Variants in ZNF518A observed in about 807,000 individuals in gnomAD.
ZNF518A encodes zinc finger protein 518A.
ZNF518A carries 47 observed loss-of-function variants against 102.7 expected under a neutral mutation model. The observed-to-expected ratio is 0.46, with a 90% CI of 0.36 to 0.58. The LOEUF is 0.58. Ranked by LOEUF, ZNF518A falls within the 20% of genes least tolerant of loss-of-function variation. The pLI is 0.00. For missense variants in ZNF518A, 1,793 were observed against 1,699.8 expected (o/e 1.05, Z -0.96); for synonymous variants, 652 against 594.6 (o/e 1.10, Z -1.40).
Position 96,158,635 on chromosome 10 carries a change from GAGCCA to G in ZNF518A, c.2315_2319del (p.Ser772ThrfsTer9). The G allele has an allele frequency of 6.2e-7, 1 of 1,613,316 alleles. No individual in the cohort carries two copies. The highest frequency in any genetic ancestry group is 1.7e-5 in the Admixed American group (1 of 59,850). On this transcript the variant is annotated frameshift_variant, in exon 6 of 6. Coordinates refer to ENST00000316045, the MANE Select transcript of ZNF518A (RefSeq NM_001330736.2). LOFTEE classifies it high-confidence loss of function. Reference sequence around the variant, plus strand: ...GAATCACATCTGTTTTCTCTCTCCAGAGCCAACAGGCATCAGAATTTCTGCCACCT... The same window carrying G: ...GAATCACATCTGTTTTCTCTCTCCAGACAGGCATCAGAATTTCTGCCACCT...
intron 1 of ZNF518A, among the ~76,000 whole-genome samples, chr10:96,176,908 A>G (rs2083207967): frequency 6.6e-6 from 1 of 151,948 alleles, no homozygotes; most frequent in Non-Finnish European, 1.5e-5. Flanking sequence ...AAACAAACAA[A>G]CAAAAAGCAA....
intron 1 of ZNF518A, among the ~76,000 whole-genome samples, chr10:96,190,840 C>T (rs1249838674): frequency 6.6e-6 from 1 of 152,182 alleles, no homozygotes; most frequent in African/African-American, 2.4e-5. Flanking sequence ...TCTTTTATTC[C>T]TTGGTGTTCA....
At position 96,159,463 on chromosome 10, in the gene ZNF518A, A is replaced by T. The variant is rs1554886092; in HGVS notation, c.3141A>T (p.Leu1047Phe). ...MKSSSENTLP[L>F]KGPYILKPTS... ...GTAGCTCAGAAAATACTTTGCCATT[A>T]AAAGGCCCTTACATTTTGAAACCAA... The change falls in exon 6 of 6, where the codon TTA becomes TTT. Residue 1047 changes from leucine (L) to phenylalanine (F), a missense_variant. Leu to Phe is a conservative substitution (Grantham distance 22). This residue lies in a region of ZNF518A where 1,741 missense variants were observed against 1,622.6 expected (regional missense o/e 1.07). Coordinates refer to ENST00000316045, the MANE Select transcript of ZNF518A (RefSeq NM_001330736.2). The T allele has an allele frequency of 6.2e-7, 1 of 1,613,790 alleles. No individual in the cohort carries two copies. The highest frequency in any genetic ancestry group is 8.5e-7 in the Non-Finnish European group (1 of 1,179,784).
chr10:96,159,715 A>G lies in ZNF518A; in HGVS notation c.3393A>G (p.Ile1131Met). The change falls in exon 6 of 6, where the codon ATA becomes ATG. Residue 1131 changes from isoleucine to methionine, a missense_variant. By Grantham distance (10) the Ile-to-Met change is conservative (BLOSUM62 1). Around this residue, in one of 3 missense-constraint regions of ZNF518A, gnomAD observed 1,741 missense variants for 1,622.6 expected, o/e 1.07. Transcript: ENST00000316045. ...KLVQNSTYQNIQPKKPEGTPQ... is the reference protein window; with the variant it reads ...KLVQNSTYQNMQPKKPEGTPQ... ...TCCAAAATAGTACTTATCAAAATATACAGCCAAAGAAACCTGAAGGAACAC... is the reference window on the plus strand; with the variant it reads ...TCCAAAATAGTACTTATCAAAATATGCAGCCAAAGAAACCTGAAGGAACAC... 6.2e-7 allele frequency: 1 copy of G among 1,613,268 alleles called. No homozygotes were observed. Among genetic ancestry groups the G allele is most frequent in the Admixed American group, 1.7e-5 (1 of 59,954 alleles).
chr10:96,203,230 T>C (rs1554896655), intron 1 of ZNF518A, among the ~76,000 whole-genome samples: 1 of 152,222 alleles, frequency 6.6e-6, no homozygotes, highest in East Asian at 1.9e-4. Context: ...AATAAACCTT[T>C]TTAAATAATG....
At chr10:96,143,017 A>T (rs1346196830) in intron 3 of ZNF518A, among the ~76,000 whole-genome samples, 1 of 152,190 alleles carries the variant, frequency 6.6e-6, no homozygotes, top group Non-Finnish European at 1.5e-5. Context: ...CATGTTGGCC[A>T]GGCTGTTCTT....
chr10:96,137,167 CCTTT>C (rs2081639387), intron 3 of ZNF518A, among the ~76,000 whole-genome samples: 2 of 152,308 alleles, frequency 1.3e-5, no homozygotes, highest in South Asian at 2.1e-4. Flanking sequence ...CATGTTTGCT[CCTTT>C]CTAAGTTCAC....
intron 1 of ZNF518A, among the ~76,000 whole-genome samples, chr10:96,198,884 A>C (rs2133940470): frequency 6.6e-6 from 1 of 152,250 alleles, no homozygotes; most frequent in East Asian, 1.9e-4. Context: ...TTTTCAGTAG[A>C]GATGAGGTTT....
chr10:96,204,644 A>G (rs1322565945), downstream of ZNF518A: 2 of 1,609,394 alleles, frequency 1.2e-6, no homozygotes, highest in African/African-American at 2.7e-5. Flanking sequence ...TCATATTAGG[A>G]TTAGAGTGAA....
intron 1 of ZNF518A, among the ~76,000 whole-genome samples, chr10:96,131,778 C>T (rs1467999870): frequency 6.6e-6 from 1 of 152,178 alleles, no homozygotes; most frequent in African/African-American, 2.4e-5. Flanking sequence ...CATGGTCACA[C>T]TTCGGATTCT....
intron 1 of ZNF518A, among the ~76,000 whole-genome samples, chr10:96,179,669 T>C (rs587764010): frequency 6.6e-6 from 1 of 152,294 alleles, no homozygotes; most frequent in East Asian, 1.9e-4. Context: ...CACAAAACCC[T>C]AACATACATA....
At chr10:96,131,051 T>C (rs2081311156) in intron 1 of ZNF518A, among the ~76,000 whole-genome samples, 1 of 152,236 alleles carries the variant, frequency 6.6e-6, no homozygotes, top group Non-Finnish European at 1.5e-5. Flanking sequence ...AAGTAGTGTA[T>C]GTGAGCTGTT....
At chr10:96,204,332 T>G, downstream of ZNF518A, 1 of 711,190 alleles carries the variant, frequency 1.4e-6, no homozygotes, top group Non-Finnish European at 2.4e-6. Context: ...GTTCAATAAT[T>G]AACCCAATTA....
intron 1 of ZNF518A, among the ~76,000 whole-genome samples, chr10:96,169,369 TTC>T (rs1412382042): frequency 1.2e-4 from 18 of 152,202 alleles, no homozygotes; most frequent in African/African-American, 3.9e-4. Flanking sequence ...TTGGTTTTCT[TTC>T]TGTTTCTCAG....
chr10:96,142,319 T>G (rs900603785), intron 3 of ZNF518A, among the ~76,000 whole-genome samples: 13 of 133,786 alleles, frequency 9.7e-5, no homozygotes, highest in Non-Finnish European at 2.0e-4. Flanking sequence ...TGTGTGTGTG[T>G]GTGTGTGTGT....
At position 96,157,975 on chromosome 10, in the gene ZNF518A, T is replaced by C; in HGVS notation, c.1653T>C (p.Ser551=). ...LQTMDYEKSV[S]SLSATSELVT... is the part of the protein sequence containing the mutation. ...CAATGGATTATGAGAAAAGTGTATC[T>C]TCTTTGTCAGCAACATCAGAATTGG... Residue 551 remains serine (S), a synonymous_variant, in exon 6 of 6, where the codon TCT becomes TCC. Coordinates refer to ENST00000316045, the MANE Select transcript of ZNF518A (RefSeq NM_001330736.2). The C allele has an allele frequency of 6.2e-7, 1 of 1,613,818 alleles. No homozygotes were observed. The highest frequency in any genetic ancestry group is 1.3e-5 in the African/African-American group (1 of 75,054).
rs1345067545 is a variant in ZNF518A, at chr10:96,132,589, T to G, written c.-449T>G. The stretch of plus-strand genomic sequence containing the variant: ...AAATCTTGGTCTTCATTTCCAGATA[T>G]CATCTCTTCTTTTGATCACTGTTCC... On this transcript the variant is annotated 5_prime_UTR_variant, in exon 2 of 6. The change creates a premature stop within an existing upstream ORF in the 5' untranslated region. Coordinates refer to ENST00000316045, the MANE Select transcript of ZNF518A (RefSeq NM_001330736.2). 9 of 151,922 alleles carry G rather than the reference T, an allele frequency of 5.9e-5. No homozygotes were observed. The highest frequency in any genetic ancestry group is 2.2e-4 in the African/African-American group (9 of 41,392). 9.4% of individuals were successfully genotyped at this position (151,922 alleles called of 1,614,324 possible).
chr10:96,166,158 T>C (rs1238195210), downstream of ZNF518A, among the ~76,000 whole-genome samples: 2 of 152,164 alleles, frequency 1.3e-5, no homozygotes, highest in African/African-American at 4.8e-5. Context: ...ATTAGCTTTT[T>C]CTCTTTTCCT....
chr10:96,202,328 G>A (rs1247752850), intron 1 of ZNF518A, among the ~76,000 whole-genome samples: 2 of 152,166 alleles, frequency 1.3e-5, no homozygotes, highest in African/African-American at 4.8e-5. Flanking sequence ...GAGTGGGGGA[G>A]GCCAGTTCGG....
Sources: allele counts gnomAD v4.1 joint callset (sites outside exome capture counted in the v4.1 genomes callset), GRCh38; gene constraint gnomAD v4.1.1; regional missense constraint gnomAD v4.1.1; transcripts MANE v1.5; gene names NCBI Gene and HGNC (gene_info 2026-07-23, HGNC 2026-07-21).